Variants in CPED1 observed in about 807,000 individuals in gnomAD.
CPED1 encodes the protein cadherin-like and PC-esterase domain-containing protein 1.
CPED1 carries 114 observed loss-of-function variants against 128.2 expected under a neutral mutation model. That is an observed-to-expected ratio of 0.89 (90% CI 0.76 to 1.04). The LOEUF (loss-of-function observed/expected upper bound fraction) is 1.04, where lower values mean the gene tolerates loss of function less well. Ranked by LOEUF, CPED1 falls within the 50% of genes least tolerant of loss-of-function variation. CPED1 has a pLI of 0.00. For missense variants in CPED1, 1,211 were observed against 1,207.1 expected, an observed-to-expected ratio of 1.00 and a Z score of -0.05; for synonymous variants, 462 against 426.7, an observed-to-expected ratio of 1.08 and a Z score of -1.02.
In CPED1 at chr7:121,096,010, A is replaced by G. The variant is rs1794690193; in HGVS notation, c.617-1689A>G. Among the ~76,000 whole-genome samples, 3 of 152,138 alleles carry G rather than the reference A, an allele frequency of 2.0e-5. No individual in the cohort carries two copies. In the South Asian group the frequency reaches 6.2e-4, roughly 31 times the overall value. ...CTGAAAACATAACTCTATTTAGTAAAATTTTAATTAAGAACACGTATTTTA... is the reference window on the plus strand; with the variant it reads ...CTGAAAACATAACTCTATTTAGTAAGATTTTAATTAAGAACACGTATTTTA... On this transcript the variant is annotated intron_variant, in intron 5 of 22. Coordinates refer to ENST00000310396, the MANE Select transcript of CPED1 (RefSeq NM_024913.5).
At chr7:121,138,255 A>G (rs778187326) in intron 14 of CPED1, among the ~76,000 whole-genome samples, 1 of 152,044 alleles carries the variant, frequency 6.6e-6, no homozygotes, top group Non-Finnish European at 1.5e-5. Flanking sequence ...AAAGCGACCA[A>G]AACTTCAAAC....
intron 3 of CPED1, among the ~76,000 whole-genome samples, chr7:121,037,934 AG>A (rs1205922461): frequency 6.6e-6 from 1 of 152,092 alleles, no homozygotes; most frequent in African/African-American, 2.4e-5. Context: ...TTTGATTCTC[AG>A]CTTGGTCACT....
intron 5 of CPED1, among the ~76,000 whole-genome samples, chr7:121,074,725 T>G (rs1794079683): frequency 6.6e-6 from 1 of 152,110 alleles, no homozygotes; most frequent in Admixed American, 6.6e-5. Context: ...AAATCTCACC[T>G]TTAGATCCTT....
At chr7:121,011,909 T>G (rs1406961968) in intron 2 of CPED1, among the ~76,000 whole-genome samples, 1 of 152,184 alleles carries the variant, frequency 6.6e-6, no homozygotes, top group Non-Finnish European at 1.5e-5. Context: ...ATATTATTAC[T>G]CAGTTTTATT....
intron 11 of CPED1, among the ~76,000 whole-genome samples, chr7:121,129,203 A>G (rs1795584773): frequency 6.7e-6 from 1 of 149,904 alleles, no homozygotes; most frequent in African/African-American, 2.4e-5. Flanking sequence ...TAGCATTCTT[A>G]ATCATTAATC....
intron 18 of CPED1, 98 bp downstream of exon 18, chr7:121,244,436 A>C: frequency 1.5e-6 from 2 of 1,300,212 alleles, no homozygotes; most frequent in Non-Finnish European, 2.2e-6. Context: ...CTGCTGTCTC[A>C]CAGCAGAGGA....
At chr7:121,109,595 A>G (rs1795057790) in intron 7 of CPED1, among the ~76,000 whole-genome samples, 1 of 152,138 alleles carries the variant, frequency 6.6e-6, no homozygotes, top group Non-Finnish European at 1.5e-5. Flanking sequence ...AGTTCCAGGT[A>G]CCATAGCCTC....
chr7:121,041,826 C>T (rs995586871), intron 3 of CPED1, among the ~76,000 whole-genome samples: 2 of 152,110 alleles, frequency 1.3e-5, no homozygotes, highest in African/African-American at 4.8e-5. Context: ...ATAGTCAGTG[C>T]CATTTTATAT....
chr7:121,000,406 A>G (rs979453306), intron 2 of CPED1, among the ~76,000 whole-genome samples: 14 of 152,302 alleles, frequency 9.2e-5, no homozygotes, highest in African/African-American at 3.1e-4. Context: ...TGAGTCGGCC[A>G]TGTATAAGGA....
intron 2 of CPED1, among the ~76,000 whole-genome samples, chr7:121,007,796 G>C (rs376558374): frequency 2.6e-5 from 4 of 151,862 alleles, no homozygotes; most frequent in South Asian, 4.2e-4. Context: ...CCATCCTGTT[G>C]CTGCTTCTCT....
At chr7:121,166,821 A>G (rs1174792318) in intron 16 of CPED1, among the ~76,000 whole-genome samples, 3 of 152,164 alleles carry the variant, frequency 2.0e-5, no homozygotes, top group Admixed American at 2.0e-4. Flanking sequence ...CTTTAATGTA[A>G]AAATTCCTAA....
At chr7:121,043,569 CTCATGG>C (rs540330418) in intron 3 of CPED1, among the ~76,000 whole-genome samples, 367 of 152,260 alleles carry the variant, frequency 2.4e-3, no homozygotes, top group Middle Eastern at 6.8e-3. Context: ...AAATGGCCAA[CTCATGG>C]AAACCTGGAA....
chr7:121,154,734 C>T (rs1393422726), intron 16 of CPED1, among the ~76,000 whole-genome samples: 1 of 151,776 alleles, frequency 6.6e-6, no homozygotes, highest in Non-Finnish European at 1.5e-5. Context: ...TTAGTAGAGA[C>T]GGGGTTTCAC....
intron 16 of CPED1, among the ~76,000 whole-genome samples, chr7:121,149,161 C>T (rs545172192): frequency 1.3e-5 from 2 of 152,300 alleles, no homozygotes; most frequent in East Asian, 3.9e-4. Context: ...CCGTCCTTTA[C>T]CATCATTTAC....
chr7:120,989,107 G>A (rs1796267596), intron 1 of CPED1, 195 bp downstream of exon 1: 1 of 156,080 alleles, frequency 6.4e-6, no homozygotes, highest in Admixed American at 6.3e-5. Flanking sequence ...TTTAAAACCG[G>A]AGGAAAATTG....
intron 18 of CPED1, among the ~76,000 whole-genome samples, chr7:121,253,672 C>G (rs1024271353): frequency 6.6e-6 from 1 of 151,954 alleles, no homozygotes; most frequent in Non-Finnish European, 1.5e-5. Context: ...CATTTTCTGT[C>G]TTCAAGAGAC....
chr7:121,024,104 A>T (rs1792507727), intron 3 of CPED1, among the ~76,000 whole-genome samples: 1 of 152,080 alleles, frequency 6.6e-6, no homozygotes, highest in African/African-American at 2.4e-5. Context: ...GCTCAGGTTT[A>T]TTGTTATTTT....
chr7:121,166,036 A>G (rs1029029296), intron 16 of CPED1, among the ~76,000 whole-genome samples: 1 of 152,146 alleles, frequency 6.6e-6, no homozygotes, highest in African/African-American at 2.4e-5. Flanking sequence ...TCAGTTTAAT[A>G]TATCTGTTTT....
chr7:121,283,911 G>A (rs777808264), intron 22 of CPED1, among the ~76,000 whole-genome samples: 30 of 152,230 alleles, frequency 2.0e-4, no homozygotes, highest in Middle Eastern at 3.4e-3. Context: ...GCTCCAATGA[G>A]TTATACTGTT....
Sources: gnomAD v4.1 joint callset for allele counts (sites outside exome capture counted in the v4.1 genomes callset) on GRCh38, gnomAD v4.1.1 for gene constraint, MANE v1.5 for transcripts, NCBI Gene and HGNC (gene_info 2026-07-23, HGNC 2026-07-21) for gene names.